RAD52: variants seen among roughly 807,000 people sequenced by gnomAD.
RAD52 encodes the protein DNA repair protein RAD52 homolog.
Under a neutral mutation model 55.5 loss-of-function variants are expected in RAD52, and 47 were observed. The ratio of observed to expected loss-of-function variants is 0.85; its 90% CI spans 0.67 to 1.08. The LOEUF is 1.08. RAD52 is among the 50% of genes least tolerant of loss of function. The probability of loss-of-function intolerance (pLI) is 0.00; values close to 1 mark genes in which losing one functional copy is unlikely to be tolerated. For synonymous variants in RAD52, 184 were observed against 198.9 expected (o/e 0.92, Z 0.63); for missense variants, 468 against 522.8 (o/e 0.90, Z 1.02).
intron 1 of RAD52, among the ~76,000 whole-genome samples, chr12:985,925 T>C (rs1010595733): frequency 2.0e-4 from 30 of 150,408 alleles, no homozygotes; most frequent in African/African-American, 5.6e-4. Context: ...AGGTATGAGC[T>C]AACGCACCTG....
At chr12:926,191 C>G (rs1026004554) in intron 6 of RAD52, among the ~76,000 whole-genome samples, 34 of 152,122 alleles carry the variant, frequency 2.2e-4, no homozygotes, top group African/African-American at 7.7e-4. Flanking sequence ...CATGAGAGAT[C>G]TGGTGGTTTT....
chr12:925,401 C>G, intron 7 of RAD52, 49 bp downstream of exon 7: 1 of 1,489,196 alleles, frequency 6.7e-7, no homozygotes, highest in Non-Finnish European at 9.4e-7. Context: ...CCATGACACA[C>G]AAGAGTTTGC....
chr12:990,689 T>C (rs1959173211), upstream of RAD52: 1 of 152,204 alleles, frequency 6.6e-6, no homozygotes, highest in Non-Finnish European at 1.5e-5. Context: ...AAAAACCAGC[T>C]TTCTTGGGAC....
rs551367877 is a variant in RAD52, at chr12:973,269, T to C, written c.-19+16540A>G. Among the ~76,000 whole-genome samples the C allele has an allele frequency of 2.1e-3, 324 of 151,568 alleles. 1 individual carries two copies. Among genetic ancestry groups the C allele is most frequent in the African/African-American group, 5.8e-3 (238 of 41,342 alleles). ...TATTTTTAGTAGAGACGGGGTTTCATCATGTTAGCCAGGATGGTCTCGATC... is the reference window on the plus strand; with the variant it reads ...TATTTTTAGTAGAGACGGGGTTTCACCATGTTAGCCAGGATGGTCTCGATC... On this transcript the variant is annotated intron_variant, in intron 1 of 11. Coordinates refer to the RAD52 transcript ENST00000430095.
At chr12:969,893 C>G (rs991430364) in intron 1 of RAD52, among the ~76,000 whole-genome samples, 3 of 151,904 alleles carry the variant, frequency 2.0e-5, no homozygotes, top group African/African-American at 7.3e-5. Context: ...GTTTATCAGA[C>G]AGCATTCCAT....
intron 7 of RAD52, 50 bp from the exon 8 acceptor site, chr12:916,870 G>A (rs780962718): frequency 3.2e-6 from 5 of 1,567,246 alleles, no homozygotes; most frequent in Non-Finnish European, 4.3e-6. Flanking sequence ...CTTGCCCTCC[G>A]CTGCTTCTCC....
upstream of RAD52, among the ~76,000 whole-genome samples, chr12:954,650 G>A (rs1042943412): frequency 1.3e-5 from 2 of 152,002 alleles, no homozygotes; most frequent in African/African-American, 4.8e-5. Context: ...CCCAAAAAAT[G>A]TAATAACAGT....
intron 1 of RAD52, chr12:975,900 G>GAACTATA (rs1177347220): frequency 2.0e-5 from 3 of 152,340 alleles, no homozygotes; most frequent in African/African-American, 7.2e-5. Flanking sequence ...CTGAGTCTCT[G>GAACTATA]TTGCTGGTTC....
At chr12:922,686 A>C (rs761215485) in intron 7 of RAD52, among the ~76,000 whole-genome samples, 4 of 152,204 alleles carry the variant, frequency 2.6e-5, no homozygotes, top group Admixed American at 6.5e-5. Flanking sequence ...ACAAATTCAC[A>C]GAAACAGAAA....
Position 916,391 on chromosome 12 carries a change from T to G in RAD52, c.818A>C (p.Glu273Ala). 1 of 1,608,676 alleles carries G rather than the reference T, an allele frequency of 6.2e-7. No homozygotes were observed. The highest frequency in any genetic ancestry group is 8.5e-7 in the Non-Finnish European group (1 of 1,179,700). Residue 273 changes from glutamate to alanine, a missense_variant, in exon 9 of 12, where the codon GAG becomes GCG. Glu to Ala is a moderately radical substitution (Grantham distance 107). Coordinates refer to ENST00000358495, the MANE Select transcript of RAD52 (RefSeq NM_134424.4). Reference sequence around the variant, plus strand: ...CGTGGAGACTCGAACCTGCTGCTTCTCCATCCGCTCCCGGAACTGCTGCTG... The same window carrying G: ...CGTGGAGACTCGAACCTGCTGCTTCGCCATCCGCTCCCGGAACTGCTGCTG... ...QLQQQFRERM[E>A]KQQVRVSTPS...
intron 6 of RAD52, chr12:926,647 C>T: frequency 1.2e-6 from 1 of 827,732 alleles, no homozygotes; most frequent in Non-Finnish European, 1.8e-6. Flanking sequence ...TGGATGCTGG[C>T]ACCAGGCTTC....
At chr12:922,358 AC>A (rs1271888025) in intron 7 of RAD52, among the ~76,000 whole-genome samples, 1 of 152,212 alleles carries the variant, frequency 6.6e-6, no homozygotes, top group Admixed American at 6.5e-5. Context: ...GATTACCATG[AC>A]CCAGCAATCC....
chr12:964,540 C>G (rs1958731478), intron 1 of RAD52, among the ~76,000 whole-genome samples: 1 of 152,004 alleles, frequency 6.6e-6, no homozygotes, highest in Non-Finnish European at 1.5e-5. Context: ...TGCGCTCCAT[C>G]TCAAAACAAC....
intron 1 of RAD52, among the ~76,000 whole-genome samples, chr12:948,242 T>C (rs972347947): frequency 2.6e-5 from 4 of 152,166 alleles, no homozygotes; most frequent in African/African-American, 9.7e-5. Context: ...TGAGAATGGG[T>C]AAATTCATAG....
rs104895068 is a variant in RAD52, at chr12:914,296, C to A, written c.967+135G>T. 5.2e-3 allele frequency: 7,141 copies of A among 1,370,988 alleles called. 21 individuals carry two copies. Among genetic ancestry groups the A allele is most frequent in the Non-Finnish European group, 6.2e-3 (6,323 of 1,019,330 alleles). 84.9% of individuals were successfully genotyped at this position (1,370,988 alleles called of 1,614,324 possible). Reference sequence around the variant, plus strand: ...CCCTTTGGTTAGGACCAAAGAGGAACTGGACATATGCTATCAGCCAGAACC... The same window carrying A: ...CCCTTTGGTTAGGACCAAAGAGGAAATGGACATATGCTATCAGCCAGAACC... On this transcript the variant is annotated intron_variant, in intron 10 of 11. Transcript: ENST00000358495.
intron 1 of RAD52, among the ~76,000 whole-genome samples, chr12:963,323 T>G (rs867831765): frequency 1.7e-4 from 26 of 152,180 alleles, no homozygotes; most frequent in African/African-American, 6.0e-4. Flanking sequence ...AAATATTTAT[T>G]AATCCACTCC....
rs574906102 is a variant in RAD52 at position 977,291 on chromosome 12, T to C, written c.-19+12518A>G. On this transcript the variant is annotated intron_variant, in intron 1 of 11. Coordinates refer to the RAD52 transcript ENST00000430095. Reference sequence around the variant, plus strand: ...CTGCATGTGCAATGTCTTGCTAGTATCTGGGAGGGGCACATGTGCCATACT... The same window carrying C: ...CTGCATGTGCAATGTCTTGCTAGTACCTGGGAGGGGCACATGTGCCATACT... Among the ~76,000 whole-genome samples, 22 of 152,328 alleles carry C rather than the reference T, an allele frequency of 1.4e-4. No individual in the cohort carries two copies. In the East Asian group the frequency reaches 3.9e-3, roughly 27 times the overall value.
At chr12:939,312 G>A (rs192327781) in intron 1 of RAD52, among the ~76,000 whole-genome samples, 321 of 151,924 alleles carry the variant, frequency 2.1e-3, no homozygotes, top group Admixed American at 3.8e-3. Context: ...CGCCACACAC[G>A]GCATATTTTT....
At position 920,171 on chromosome 12, in the gene RAD52, C is replaced by T. The variant is rs1259407952; in HGVS notation, c.544-3351G>A. On this transcript the variant is annotated intron_variant, in intron 7 of 11. Coordinates refer to ENST00000358495, the MANE Select transcript of RAD52 (RefSeq NM_134424.4). ...GGCAAAGGATGCAGTGAGCCAAGAT[C>T]GCACCACTGCACTCTAGCCTGGGCG... 2.8e-5 allele frequency among the ~76,000 whole-genome samples: 3 copies of T among 107,962 alleles called. 1 individual carries two copies. The highest frequency in any genetic ancestry group is 9.0e-5 in the Admixed American group (1 of 11,168). The allele number at this position is 107,962 out of a possible 152,430, so 70.8% of individuals were successfully genotyped here. A position where few individuals can be genotyped will look rare whatever the true frequency, so the allele number is the denominator to read the frequency against.
Sources: allele counts gnomAD v4.1 joint callset (sites outside exome capture counted in the v4.1 genomes callset), GRCh38; gene constraint gnomAD v4.1.1; transcripts MANE v1.5; gene names NCBI Gene and HGNC (gene_info 2026-07-23, HGNC 2026-07-21).